The following WWOX variants were observed in gnomAD, a reference collection of about 807,000 sequenced individuals.
WWOX encodes the protein WW domain containing oxidoreductase.
Under a neutral mutation model 46.2 loss-of-function variants are expected in WWOX, and 69 were observed. The observed-to-expected ratio is 1.49, with a 90% confidence interval of 1.23 to 1.82. The LOEUF is 1.82. Among genes scored for constraint, WWOX ranks in the 40% most tolerant of loss-of-function variants. WWOX has a pLI of 0.00. For missense variants in WWOX, 919 were observed against 542.6 expected (o/e 1.69, Z -6.89); for synonymous variants, 359 against 202.6 (o/e 1.77, Z -6.56).
chr16:78,920,032 G>C (rs900205941), intron 8 of WWOX, among the ~76,000 whole-genome samples: 2 of 152,190 alleles, frequency 1.3e-5, no homozygotes. Context: ...GTATCAGTCA[G>C]CGTAGACTAG....
chr16:78,992,053 A>G (rs567150264), intron 8 of WWOX, among the ~76,000 whole-genome samples: 1 of 152,108 alleles, frequency 6.6e-6, no homozygotes, highest in Non-Finnish European at 1.5e-5. Context: ...TTTCACATGC[A>G]TGCATTAATT....
intron 8 of WWOX, among the ~76,000 whole-genome samples, chr16:78,763,975 A>T (rs779822008): frequency 6.6e-6 from 1 of 152,028 alleles, no homozygotes; most frequent in South Asian, 2.1e-4. Flanking sequence ...CCCCACATCT[A>T]TTGTGGGCTG....
At chr16:78,185,526 C>G (rs2035669906) in intron 5 of WWOX, among the ~76,000 whole-genome samples, 4 of 151,024 alleles carry the variant, frequency 2.6e-5, no homozygotes, top group African/African-American at 7.3e-5. Context: ...TGTAGAAGCT[C>G]ATTGGTAGAG....
Position 78,668,870 on chromosome 16 carries a change from A to G in WWOX, c.1056+236118A>G, listed in dbSNP as rs1054498510. 7.2e-5 allele frequency among the ~76,000 whole-genome samples: 11 copies of G among 152,296 alleles called. No individual in the cohort carries two copies. In the South Asian group the frequency reaches 2.3e-3, roughly 32 times the overall value. ...ATGAGACACGTGGTGTTCACTTGATAACTCCCTGGCAGGTTCTCTTCATCG... is the reference window on the plus strand; with the variant it reads ...ATGAGACACGTGGTGTTCACTTGATGACTCCCTGGCAGGTTCTCTTCATCG... On this transcript the variant is annotated intron_variant, in intron 8 of 8. Transcript: ENST00000566780.
chr16:78,927,234 G>T (rs532670500), intron 8 of WWOX, among the ~76,000 whole-genome samples: 11 of 152,324 alleles, frequency 7.2e-5, no homozygotes, highest in African/African-American at 1.9e-4. Context: ...TGCCTGGCTG[G>T]TTGTTACTTA....
chr16:78,533,123 C>T (rs1030228136), intron 8 of WWOX, among the ~76,000 whole-genome samples: 2 of 152,130 alleles, frequency 1.3e-5, no homozygotes, highest in African/African-American at 4.8e-5. Context: ...CCCAGTGCCT[C>T]TCAATGGCTA....
At chr16:78,956,587 A>G (rs928013011) in intron 8 of WWOX, among the ~76,000 whole-genome samples, 1 of 151,978 alleles carries the variant, frequency 6.6e-6, no homozygotes, top group African/African-American at 2.4e-5. Context: ...TATCTATCAT[A>G]CATCATATAT....
chr16:78,898,921 A>G (rs1030964070), intron 8 of WWOX: 4 of 152,104 alleles, frequency 2.6e-5, no homozygotes, highest in Non-Finnish European at 5.9e-5. Flanking sequence ...GTTTGTTTCT[A>G]ATATATAGAA....
intron 3 of WWOX, among the ~76,000 whole-genome samples, chr16:78,114,580 T>C (rs2032675464): frequency 6.6e-6 from 1 of 152,304 alleles, no homozygotes; most frequent in Middle Eastern, 3.4e-3. Flanking sequence ...TCTACGTCTT[T>C]AGGCCCTTGC....
At chr16:78,441,951 T>G (rs571715103) in intron 8 of WWOX, among the ~76,000 whole-genome samples, 1 of 145,510 alleles carries the variant, frequency 6.9e-6, no homozygotes, top group African/African-American at 2.7e-5. Flanking sequence ...ATTTCATATA[T>G]GCGCATGAGT....
intron 8 of WWOX, among the ~76,000 whole-genome samples, chr16:78,668,497 C>T (rs768732028): frequency 6.6e-6 from 1 of 152,002 alleles, no homozygotes; most frequent in East Asian, 1.9e-4. Flanking sequence ...TGGGCTAGGC[C>T]CTGGGAACAG....
chr16:79,154,682 G>C (rs964120973), intron 8 of WWOX, among the ~76,000 whole-genome samples: 1 of 152,140 alleles, frequency 6.6e-6, no homozygotes, highest in African/African-American at 2.4e-5. Context: ...AAACAACCAC[G>C]TTTGGTAAAC....
At chr16:78,737,867 C>A (rs1469531557) in intron 8 of WWOX, among the ~76,000 whole-genome samples, 3 of 152,130 alleles carry the variant, frequency 2.0e-5, no homozygotes. Context: ...CCACTTTATT[C>A]CCTCACCGAT....
chr16:78,175,389 G>T (rs1334525538), intron 5 of WWOX, among the ~76,000 whole-genome samples: 1 of 152,240 alleles, frequency 6.6e-6, no homozygotes. Flanking sequence ...GTAGAGGCCA[G>T]TTCTCCTCTC....
At chr16:78,628,273 C>G (rs2046353758) in intron 8 of WWOX, among the ~76,000 whole-genome samples, 1 of 152,170 alleles carries the variant, frequency 6.6e-6, no homozygotes, top group Non-Finnish European at 1.5e-5. Context: ...TTGAGTGGTG[C>G]TAATGTTTCC....
intron 8 of WWOX, among the ~76,000 whole-genome samples, chr16:78,742,909 G>A (rs1391997070): frequency 6.6e-6 from 1 of 152,074 alleles, no homozygotes; most frequent in African/African-American, 2.4e-5. Flanking sequence ...GCCACTTCCT[G>A]GGCCTCCCAA....
intron 4 of WWOX, among the ~76,000 whole-genome samples, chr16:78,133,391 G>A (rs2033674052): frequency 6.6e-6 from 1 of 152,170 alleles, no homozygotes; most frequent in African/African-American, 2.4e-5. Context: ...TTCCCAACTA[G>A]CTGGGACAAC....
chr16:78,483,430 T>G (rs1005176164), intron 8 of WWOX, among the ~76,000 whole-genome samples: 1 of 151,710 alleles, frequency 6.6e-6, no homozygotes, highest in Non-Finnish European at 1.5e-5. Flanking sequence ...GAATTTTTTT[T>G]TTTTTTTTTG....
chr16:78,375,651 A>G (rs958613792), intron 5 of WWOX, among the ~76,000 whole-genome samples: 1 of 152,164 alleles, frequency 6.6e-6, no homozygotes, highest in East Asian at 1.9e-4. Flanking sequence ...ACCCTCAGTA[A>G]AAAGCTATCA....
Sources: allele counts gnomAD v4.1 joint callset (sites outside exome capture counted in the v4.1 genomes callset), GRCh38; gene constraint gnomAD v4.1.1; transcripts MANE v1.5; gene names NCBI Gene and HGNC (gene_info 2026-07-23, HGNC 2026-07-21).